KCNAB1: variants seen among roughly 807,000 people sequenced by gnomAD.
KCNAB1 encodes the protein potassium voltage-gated channel subfamily A regulatory beta subunit 1.
Under a neutral mutation model 64.6 loss-of-function variants are expected in KCNAB1, and 35 were observed. That is an observed-to-expected ratio of 0.54 (90% CI 0.41 to 0.72). KCNAB1 has a LOEUF of 0.72. Ranked by LOEUF, KCNAB1 falls within the 30% of genes least tolerant of loss-of-function variation. The pLI is 0.00. For synonymous variants in KCNAB1, 177 were observed against 183.8 expected, an observed-to-expected ratio of 0.96 and a Z score of 0.30; for missense variants, 401 against 512.9, an observed-to-expected ratio of 0.78 and a Z score of 2.11.
intron 1 of KCNAB1, among the ~76,000 whole-genome samples, chr3:156,219,081 C>T (rs180735528): frequency 9.4e-4 from 143 of 151,770 alleles, no homozygotes; most frequent in Non-Finnish European, 1.5e-3. Flanking sequence ...TACCAGCTCA[C>T]CAGCAATGGA....
intron 1 of KCNAB1, among the ~76,000 whole-genome samples, chr3:156,233,555 C>T (rs1716660668): frequency 6.6e-6 from 1 of 152,124 alleles, no homozygotes; most frequent in South Asian, 2.1e-4. Flanking sequence ...CTTTTGCTTT[C>T]TTTCATAGTG....
intron 1 of KCNAB1, among the ~76,000 whole-genome samples, chr3:156,361,048 CT>C (rs1296142137): frequency 6.6e-6 from 1 of 152,196 alleles, no homozygotes; most frequent in Non-Finnish European, 1.5e-5. Flanking sequence ...CCTCCAATGT[CT>C]TCCCAGTACA....
intron 1 of KCNAB1, among the ~76,000 whole-genome samples, chr3:156,372,846 C>T (rs1329520570): frequency 6.6e-6 from 1 of 152,184 alleles, no homozygotes; most frequent in Non-Finnish European, 1.5e-5. Context: ...TTTGTGAATG[C>T]TTGGGAATGC....
intron 2 of KCNAB1, among the ~76,000 whole-genome samples, chr3:156,443,573 C>T (rs768936709): frequency 2.0e-5 from 3 of 152,056 alleles, no homozygotes; most frequent in Non-Finnish European, 2.9e-5. Context: ...GGGATTAGAG[C>T]TGATGTATGT....
At chr3:156,224,679 A>G (rs969253312) in intron 1 of KCNAB1, among the ~76,000 whole-genome samples, 1 of 152,266 alleles carries the variant, frequency 6.6e-6, no homozygotes, top group African/African-American at 2.4e-5. Flanking sequence ...ATAGACCATT[A>G]GAGAGATTAA....
intron 1 of KCNAB1, among the ~76,000 whole-genome samples, chr3:156,339,946 G>T (rs146732212): frequency 6.8e-4 from 104 of 152,272 alleles, no homozygotes; most frequent in Admixed American, 1.5e-3. Context: ...GCCCATGATG[G>T]TAGATCATAA....
chr3:156,403,755 G>A (rs966891530), intron 1 of KCNAB1, among the ~76,000 whole-genome samples: 10 of 152,102 alleles, frequency 6.6e-5, no homozygotes, highest in Admixed American at 2.6e-4. Flanking sequence ...TTAGCTGGGC[G>A]TAGTGGTGCA....
chr3:156,502,532 CCACACACA>C (rs60469602), intron 8 of KCNAB1, among the ~76,000 whole-genome samples: 37,294 of 142,738 alleles, frequency 0.26, 4,641 homozygotes, highest in Middle Eastern at 0.33. Flanking sequence ...TACCTTACAA[CCACACACA>C]CACACACACA....
intron 1 of KCNAB1, among the ~76,000 whole-genome samples, chr3:156,224,787 A>G (rs796682049): frequency 2.0e-5 from 3 of 152,360 alleles, no homozygotes; most frequent in Admixed American, 6.5e-5. Flanking sequence ...CAAGGCTGCT[A>G]TGAACACCTT....
chr3:156,126,827 A>T (rs1307373315), intron 1 of KCNAB1, among the ~76,000 whole-genome samples: 1 of 151,148 alleles, frequency 6.6e-6, no homozygotes, highest in East Asian at 1.9e-4. Context: ...ACGGGAGCTC[A>T]AGTGACTTAA....
At chr3:156,523,776 A>T (rs368829996) in intron 11 of KCNAB1, 51 bp from the exon 12 acceptor site, 71 of 1,535,148 alleles carry the variant, frequency 4.6e-5, no homozygotes, top group Non-Finnish European at 6.0e-5. Context: ...CCATTCTTTG[A>T]CATCAGATCT....
intron 1 of KCNAB1, among the ~76,000 whole-genome samples, chr3:156,204,857 A>AAAAT (rs1201744024): frequency 6.6e-6 from 1 of 151,178 alleles, no homozygotes; most frequent in East Asian, 2.0e-4. Context: ...AACAACAACA[A>AAAAT]AAATAAATAA....
At chr3:156,449,040 A>G (rs73873374) in intron 2 of KCNAB1, among the ~76,000 whole-genome samples, 5,746 of 152,230 alleles carry the variant, frequency 0.038, 192 homozygotes, top group African/African-American at 0.097. Flanking sequence ...AGGGCCAGGG[A>G]GGTAGTCATC....
chr3:156,139,592 T>G (rs1000212735), intron 1 of KCNAB1, among the ~76,000 whole-genome samples: 2 of 145,118 alleles, frequency 1.4e-5, no homozygotes, highest in African/African-American at 2.6e-5. Context: ...GTGTTTTTTT[T>G]TTTTTTTTTT....
At position 156,143,233 on chromosome 3, in the gene KCNAB1, C is replaced by G. The variant is rs770224299; in HGVS notation, c.275+22347C>G. The stretch of plus-strand genomic sequence containing the variant: ...CATCCCGAGCCCCAAGCTGGGTCTG[C>G]CAAAATCCAGTGAATCGGCTCTAAA... On this transcript the variant is annotated intron_variant, in intron 1 of 13. Transcript: ENST00000490337. 3.1e-6 allele frequency: 5 copies of G among 1,613,784 alleles called. No individual in the cohort carries two copies. In the East Asian group the frequency reaches 1.1e-4, roughly 36 times the overall value.
chr3:156,120,104 G>A (rs1713247748), upstream of KCNAB1, among the ~76,000 whole-genome samples: 1 of 152,116 alleles, frequency 6.6e-6, no homozygotes, highest in Admixed American at 6.5e-5. Context: ...TTGCACAAGA[G>A]AAATAATCTT....
chr3:156,208,075 T>A (rs556377788), intron 1 of KCNAB1, among the ~76,000 whole-genome samples: 37 of 152,084 alleles, frequency 2.4e-4, no homozygotes, highest in East Asian at 2.3e-3. Flanking sequence ...CATGATATAT[T>A]TTTTTTTCTA....
intron 1 of KCNAB1, among the ~76,000 whole-genome samples, chr3:156,232,618 C>G (rs1170247657): frequency 6.6e-6 from 1 of 152,250 alleles, no homozygotes; most frequent in African/African-American, 2.4e-5. Flanking sequence ...ATTACTCTTC[C>G]TATCTTTGTG....
intron 1 of KCNAB1, among the ~76,000 whole-genome samples, chr3:156,312,720 A>AC (rs1246508325): frequency 6.6e-6 from 1 of 150,828 alleles, no homozygotes; most frequent in Non-Finnish European, 1.5e-5. Flanking sequence ...AAAAAAAAAA[A>AC]AAAAAAAAAA....
Sources: gnomAD v4.1 joint callset for allele counts (sites outside exome capture counted in the v4.1 genomes callset) on GRCh38, gnomAD v4.1.1 for gene constraint, MANE v1.5 for transcripts, NCBI Gene and HGNC (gene_info 2026-07-23, HGNC 2026-07-21) for gene names.